Variants in SPAG16 observed in about 807,000 individuals in gnomAD.
SPAG16 encodes the protein sperm associated antigen 16.
In SPAG16, 86 loss-of-function variants were observed where a neutral mutation model predicts 80.4. The ratio of observed to expected loss-of-function variants is 1.07; its 90% CI spans 0.90 to 1.28. The LOEUF (loss-of-function observed/expected upper bound fraction) is 1.28. SPAG16 is among the 50% of genes most tolerant of loss of function. SPAG16 has a pLI of 0.00. For synonymous variants in SPAG16, 294 were observed against 265.9 expected (o/e 1.11, Z -1.03); for missense variants, 870 against 765.3 (o/e 1.14, Z -1.61).
intron 14 of SPAG16, among the ~76,000 whole-genome samples, chr2:214,123,240 A>G (rs1473797072): frequency 6.6e-6 from 1 of 151,924 alleles, no homozygotes; most frequent in Admixed American, 6.6e-5. Flanking sequence ...TAAAAATGAT[A>G]CATTTAAGAT....
intron 15 of SPAG16, among the ~76,000 whole-genome samples, chr2:214,284,016 C>T (rs1165838907): frequency 6.6e-6 from 1 of 152,072 alleles, no homozygotes; most frequent in Non-Finnish European, 1.5e-5. Context: ...CAAAACGTAT[C>T]CTATTGATTT....
chr2:214,360,695 G>A (rs1012571495), intron 15 of SPAG16, among the ~76,000 whole-genome samples: 2 of 151,780 alleles, frequency 1.3e-5, no homozygotes, highest in African/African-American at 4.8e-5. Flanking sequence ...TACTAGTGCA[G>A]GGAAGTTTAA....
chr2:214,129,658 C>T (rs2054663960), intron 14 of SPAG16, among the ~76,000 whole-genome samples: 2 of 152,076 alleles, frequency 1.3e-5, no homozygotes, highest in Admixed American at 6.6e-5. Flanking sequence ...TATAGTTCTG[C>T]TTGGACCATG....
chr2:214,118,716 G>A (rs2054067824), intron 14 of SPAG16, among the ~76,000 whole-genome samples: 1 of 151,966 alleles, frequency 6.6e-6, no homozygotes, highest in African/African-American at 2.4e-5. Flanking sequence ...TGGCGATTAT[G>A]GGAACTACAA....
chr2:214,037,314 A>G (rs74469810), intron 13 of SPAG16, among the ~76,000 whole-genome samples: 2,768 of 152,066 alleles, frequency 0.018, 83 homozygotes, highest in African/African-American at 0.064. Context: ...GTTTAATAAA[A>G]GTTATTTTTG....
At chr2:213,882,557 T>C (rs184724917) in intron 11 of SPAG16, among the ~76,000 whole-genome samples, 418 of 152,338 alleles carry the variant, frequency 2.7e-3, no homozygotes, top group Non-Finnish European at 4.9e-3. Flanking sequence ...TCTAGTAAGA[T>C]ATATTTCCTC....
chr2:213,902,959 AAATGTC>A (rs2077279406), intron 11 of SPAG16, among the ~76,000 whole-genome samples: 1 of 152,162 alleles, frequency 6.6e-6, no homozygotes, highest in Admixed American at 6.5e-5. Context: ...TCAAATTTTA[AAATGTC>A]AAGATGATCT....
intron 15 of SPAG16, among the ~76,000 whole-genome samples, chr2:214,333,754 G>A (rs1376979151): frequency 6.6e-6 from 1 of 152,148 alleles, no homozygotes; most frequent in Non-Finnish European, 1.5e-5. Context: ...GGAATCCTCA[G>A]TCTTTAGAAA....
chr2:214,228,618 A>T (rs1222163016), intron 15 of SPAG16, among the ~76,000 whole-genome samples: 1 of 151,776 alleles, frequency 6.6e-6, no homozygotes, highest in Non-Finnish European at 1.5e-5. Context: ...GAGAATTGCA[A>T]ACTCTATCAC....
At chr2:213,857,333 C>T (rs1472835841) in intron 10 of SPAG16, among the ~76,000 whole-genome samples, 1 of 152,208 alleles carries the variant, frequency 6.6e-6, no homozygotes, top group Non-Finnish European at 1.5e-5. Flanking sequence ...AACAACTCCA[C>T]CTGACAGGCT....
intron 13 of SPAG16, among the ~76,000 whole-genome samples, chr2:214,099,867 A>G (rs982757011): frequency 5.9e-5 from 9 of 152,140 alleles, no homozygotes; most frequent in African/African-American, 2.2e-4. Flanking sequence ...TCTGAATAAC[A>G]ATTACACAGA....
chr2:213,348,509 C>G (rs1159227841), intron 6 of SPAG16, among the ~76,000 whole-genome samples: 1 of 152,142 alleles, frequency 6.6e-6, no homozygotes, highest in Non-Finnish European at 1.5e-5. Flanking sequence ...TTTGCAGTGG[C>G]TGTTACCGGT....
intron 10 of SPAG16, among the ~76,000 whole-genome samples, chr2:213,808,718 A>T (rs1407387288): frequency 6.6e-6 from 1 of 152,182 alleles, no homozygotes; most frequent in African/African-American, 2.4e-5. Context: ...TTTAGAACTG[A>T]GGTATCTTTC....
chr2:213,442,484 G>C (rs1203818939), intron 9 of SPAG16, among the ~76,000 whole-genome samples: 2 of 152,112 alleles, frequency 1.3e-5, no homozygotes, highest in Admixed American at 6.6e-5. Context: ...GGAGAACAAA[G>C]TTGCAAGACT....
intron 12 of SPAG16, among the ~76,000 whole-genome samples, chr2:213,979,256 A>G (rs950787894): frequency 6.6e-6 from 1 of 151,648 alleles, no homozygotes; most frequent in Non-Finnish European, 1.5e-5. Flanking sequence ...AAATTAAAAA[A>G]AAAGAAATGT....
chr2:213,938,814 A>T lies in SPAG16; in HGVS notation c.1400+8669A>T, dbSNP rs543415093. Among the ~76,000 whole-genome samples, 159 of 152,244 alleles carry T rather than the reference A, an allele frequency of 1.0e-3. 1 individual carries two copies. Among genetic ancestry groups the T allele is most frequent in the African/African-American group, 3.7e-3 (152 of 41,588 alleles). The stretch of plus-strand genomic sequence containing the variant: ...TTAAACTAAATATTTTCTTATTGTT[A>T]AACTTACTGTTATATGGAAAATCAT... On this transcript the variant is annotated intron_variant, in intron 12 of 15. Coordinates refer to ENST00000331683, the MANE Select transcript of SPAG16 (RefSeq NM_024532.5).
chr2:213,782,203 AAAAG>A (rs2070033770), intron 10 of SPAG16, among the ~76,000 whole-genome samples: 1 of 152,044 alleles, frequency 6.6e-6, no homozygotes, highest in Non-Finnish European at 1.5e-5. Context: ...AAATAATAAA[AAAAG>A]GAAGGAAAGA....
intron 5 of SPAG16, among the ~76,000 whole-genome samples, chr2:213,326,488 G>A (rs77834982): frequency 8.6e-5 from 13 of 152,026 alleles, no homozygotes; most frequent in African/African-American, 3.1e-4. Flanking sequence ...TTTTCTGGAC[G>A]TGAATATACC....
chr2:213,809,681 A>C (rs1575199967), intron 10 of SPAG16, among the ~76,000 whole-genome samples: 1 of 152,046 alleles, frequency 6.6e-6, no homozygotes. Context: ...ACAATTAAAA[A>C]GAGAAGCTAA....
Sources: allele counts gnomAD v4.1 joint callset (sites outside exome capture counted in the v4.1 genomes callset), GRCh38; gene constraint gnomAD v4.1.1; transcripts MANE v1.5; gene names NCBI Gene and HGNC (gene_info 2026-07-23, HGNC 2026-07-21).